The following CRYBG1 variants were observed in gnomAD, a reference collection of about 807,000 sequenced individuals.
CRYBG1 encodes the protein beta/gamma crystallin domain-containing protein 1.
Under a neutral mutation model 189.2 loss-of-function variants are expected in CRYBG1, and 139 were observed. The observed-to-expected ratio is 0.73, with a 90% confidence interval of 0.64 to 0.85. The LOEUF (loss-of-function observed/expected upper bound fraction) is 0.85, where lower values mean the gene tolerates loss of function less well. Among genes scored for constraint, CRYBG1 ranks in the 40% least tolerant of loss-of-function variants. CRYBG1 has a pLI of 0.00. For missense variants in CRYBG1, 2,611 were observed against 2,675.8 expected (o/e 0.98, Z 0.53); for synonymous variants, 1,023 against 1,017.1 (o/e 1.01, Z -0.11).
At chr6:106,474,902 G>A (rs1248326842) in intron 2 of CRYBG1, among the ~76,000 whole-genome samples, 5 of 152,132 alleles carry the variant, frequency 3.3e-5, no homozygotes, top group Non-Finnish European at 2.9e-5. Flanking sequence ...TAAACATATG[G>A]TATGTGAGCT....
At position 106,477,912 on chromosome 6, in the gene CRYBG1, G is replaced by A. The variant is rs547068269; in HGVS notation, c.312+26080G>A. Among the ~76,000 whole-genome samples, 7 of 152,384 alleles carry A rather than the reference G, an allele frequency of 4.6e-5. No homozygotes were observed. The East Asian group carries it at 9.6e-4, about 21-fold the overall frequency. On this transcript the variant is annotated intron_variant, in intron 2 of 21. Transcript: ENST00000633556. ...TGGAGCACGGAGCTGTGACTGCTTT[G>A]GAGGCATGTGCCAAGGCGCCAGTTC...
chr6:106,529,000 GT>G (rs1773815811), intron 7 of CRYBG1, among the ~76,000 whole-genome samples: 1 of 151,030 alleles, frequency 6.6e-6, no homozygotes, highest in South Asian at 2.1e-4. Context: ...CTGGAGTGCA[GT>G]GGTGCAATCT....
intron 2 of CRYBG1, among the ~76,000 whole-genome samples, chr6:106,465,109 C>T (rs965426225): frequency 1.9e-4 from 29 of 152,292 alleles, no homozygotes; most frequent in African/African-American, 7.0e-4. Flanking sequence ...CTGACATCTC[C>T]CATGTTCTCA....
intron 1 of CRYBG1, among the ~76,000 whole-genome samples, chr6:106,427,442 C>T (rs12190458): frequency 0.11 from 17,215 of 152,166 alleles, 1,241 homozygotes; most frequent in Non-Finnish European, 0.15. Flanking sequence ...GGAAACCTTT[C>T]GTCCTCTTAC....
intron 1 of CRYBG1, among the ~76,000 whole-genome samples, chr6:106,363,339 T>C (rs974457250): frequency 2.6e-5 from 4 of 152,166 alleles, no homozygotes; most frequent in Non-Finnish European, 5.9e-5. Flanking sequence ...ACTTCATTTT[T>C]TCCTTCAGAA....
chr6:106,460,317 G>A (rs560784761), intron 2 of CRYBG1, among the ~76,000 whole-genome samples: 3 of 152,154 alleles, frequency 2.0e-5, no homozygotes, highest in African/African-American at 7.2e-5. Flanking sequence ...TACACTTATT[G>A]GCCACTTGTA....
chr6:106,397,865 A>G (rs80214198), intron 1 of CRYBG1, among the ~76,000 whole-genome samples: 8 of 152,162 alleles, frequency 5.3e-5, no homozygotes, highest in Non-Finnish European at 8.8e-5. Context: ...GCTGGCATAA[A>G]TGTGGGAATT....
At position 106,512,974 on chromosome 6, in the gene CRYBG1, C is replaced by T. The variant is rs1562097000; in HGVS notation, c.1857C>T (p.Ala619=). 6.2e-7 allele frequency: 1 copy of T among 1,611,186 alleles called. No homozygotes were observed. The change falls in exon 3 of 22, where the codon GCC becomes GCT. Residue 619 remains alanine, a synonymous_variant. Transcript: ENST00000633556. ...CCGGAGCGCCTGGAGCTTCTGACGC[C>T]GACGGCTTGAAGCCCAGGAACCATT... The part of the protein sequence containing the change: ...RAAGAPGASD[A]DGLKPRNHFG...
intron 1 of CRYBG1, among the ~76,000 whole-genome samples, chr6:106,378,274 C>T (rs1483886757): frequency 2.0e-5 from 3 of 152,166 alleles, no homozygotes; most frequent in Admixed American, 1.3e-4. Context: ...CTAGCTATTC[C>T]TCTCCAGCTT....
intron 1 of CRYBG1, among the ~76,000 whole-genome samples, chr6:106,419,072 CAT>C (rs1771078942): frequency 6.6e-6 from 1 of 152,192 alleles, no homozygotes; most frequent in Non-Finnish European, 1.5e-5. Flanking sequence ...TTACTGTACA[CAT>C]GGTTGACAAA....
chr6:106,412,966 G>A (rs1160825773), intron 1 of CRYBG1, among the ~76,000 whole-genome samples: 3 of 149,302 alleles, frequency 2.0e-5, no homozygotes, highest in South Asian at 2.1e-4. Context: ...AAAAAAAAGA[G>A]CTTTTGGATT....
At chr6:106,560,673 C>G (rs1035618831) in intron 18 of CRYBG1, 130 bp from the exon 19 acceptor site, 20 of 1,139,378 alleles carry the variant, frequency 1.8e-5, no homozygotes, top group Non-Finnish European at 3.5e-6. Context: ...TAGAAAAGAT[C>G]ATTTTTCCCC....
At chr6:106,413,215 T>C (rs1770961906) in intron 1 of CRYBG1, among the ~76,000 whole-genome samples, 1 of 152,206 alleles carries the variant, frequency 6.6e-6, no homozygotes, top group Non-Finnish European at 1.5e-5. Flanking sequence ...GAAATCAGTA[T>C]ATTTCATCTT....
chr6:106,424,143 A>T (rs1456044489), intron 1 of CRYBG1, among the ~76,000 whole-genome samples: 3 of 152,208 alleles, frequency 2.0e-5, no homozygotes, highest in African/African-American at 7.2e-5. Flanking sequence ...TCTTTTAACT[A>T]GCAAGCTATA....
At chr6:106,439,706 GA>G (rs1357157627) in intron 1 of CRYBG1, among the ~76,000 whole-genome samples, 1 of 147,290 alleles carries the variant, frequency 6.8e-6, no homozygotes, top group Admixed American at 6.8e-5. Context: ...AGTGGCACAA[GA>G]AAAAAACTTG....
chr6:106,368,372 G>A (rs1224878930), intron 1 of CRYBG1, among the ~76,000 whole-genome samples: 2 of 152,200 alleles, frequency 1.3e-5, no homozygotes, highest in Admixed American at 6.5e-5. Flanking sequence ...AGTGATTTAT[G>A]TATTGAAAAT....
intron 1 of CRYBG1, among the ~76,000 whole-genome samples, chr6:106,387,200 T>G (rs1770408520): frequency 6.6e-6 from 1 of 152,192 alleles, no homozygotes. Context: ...AATATCAGTA[T>G]GAAGTTGTAA....
At chr6:106,367,457 T>G (rs9373852) in intron 1 of CRYBG1, among the ~76,000 whole-genome samples, 1 of 151,010 alleles carries the variant, frequency 6.6e-6, no homozygotes, top group South Asian at 2.1e-4. Context: ...CGTGGTGGCA[T>G]ACGCCTGTAA....
chr6:106,478,466 C>T (rs904492132), intron 2 of CRYBG1, among the ~76,000 whole-genome samples: 1 of 152,210 alleles, frequency 6.6e-6, no homozygotes, highest in African/African-American at 2.4e-5. Context: ...GGTTGTTCCT[C>T]TTACACACCT....
Sources: gnomAD v4.1 joint callset for allele counts (sites outside exome capture counted in the v4.1 genomes callset) on GRCh38, gnomAD v4.1.1 for gene constraint, MANE v1.5 for transcripts, NCBI Gene and HGNC (gene_info 2026-07-23, HGNC 2026-07-21) for gene names.